Variants in NDC80 observed in about 807,000 individuals in gnomAD.
The protein encoded by NDC80 is NDC80 kinetochore complex component.
In NDC80, 69 loss-of-function variants were observed where a neutral mutation model predicts 89.3. The observed-to-expected ratio is 0.77, with a 90% CI of 0.64 to 0.94. The LOEUF is 0.94. Among genes scored for constraint, NDC80 ranks in the 40% least tolerant of loss-of-function variants. NDC80 has a pLI of 0.00. For missense variants in NDC80, 593 were observed against 739.6 expected (o/e 0.80, Z 2.30); for synonymous variants, 243 against 255.6 (o/e 0.95, Z 0.47).
chr18:2,606,128 G>T (rs2072710272), intron 13 of NDC80, among the ~76,000 whole-genome samples: 1 of 150,850 alleles, frequency 6.6e-6, no homozygotes, highest in South Asian at 2.1e-4. Flanking sequence ...TGAATAAATT[G>T]ATATAACAAT....
intron 15 of NDC80, among the ~76,000 whole-genome samples, chr18:2,610,084 C>G (rs751316040): frequency 6.6e-6 from 1 of 152,168 alleles, no homozygotes; most frequent in Non-Finnish European, 1.5e-5. Context: ...ATTTTAGCCA[C>G]ACTATATAAT....
At chr18:2,583,340 G>A (rs546283454) in intron 6 of NDC80, among the ~76,000 whole-genome samples, 1 of 152,242 alleles carries the variant, frequency 6.6e-6, no homozygotes, top group South Asian at 2.1e-4. Flanking sequence ...TCTTTACCCT[G>A]ATGACAAGAT....
chr18:2,615,006 A>C (rs1244825179), intron 16 of NDC80: 1 of 152,350 alleles, frequency 6.6e-6, no homozygotes, highest in Non-Finnish European at 1.5e-5. Flanking sequence ...AAGGACTGCC[A>C]GGAGCCGCCA....
chr18:2,577,439 A>AAG, intron 3 of NDC80: 2 of 222,450 alleles, frequency 9.0e-6, no homozygotes, highest in South Asian at 1.3e-4. Context: ...CTGGTCTTGA[A>AAG]CTCCTGACCT....
chr18:2,601,577 A>G (rs1463919140), intron 13 of NDC80, 92 bp downstream of exon 13: 1 of 539,736 alleles, frequency 1.9e-6, no homozygotes, highest in Non-Finnish European at 3.0e-6. Flanking sequence ...ATTGCTAAGG[A>G]ATTAATTTTT....
At chr18:2,613,230 T>C (rs916774326) in intron 16 of NDC80, among the ~76,000 whole-genome samples, 4 of 152,260 alleles carry the variant, frequency 2.6e-5, no homozygotes, top group Non-Finnish European at 5.9e-5. Flanking sequence ...TGGCTGGTTT[T>C]GCACTACAGT....
chr18:2,607,828 TA>T (rs2072720323), intron 14 of NDC80, among the ~76,000 whole-genome samples: 1 of 150,930 alleles, frequency 6.6e-6, no homozygotes, highest in Non-Finnish European at 1.5e-5. Flanking sequence ...TACAAACATA[TA>T]TTTTTTTAAT....
chr18:2,597,818 T>C (rs1348471623), intron 11 of NDC80, among the ~76,000 whole-genome samples: 1 of 151,888 alleles, frequency 6.6e-6, no homozygotes, highest in Non-Finnish European at 1.5e-5. Context: ...TGAAACTTGA[T>C]GAAAGAGGGA....
rs1488993918 is a variant in NDC80 at position 2,614,435 on chromosome 18, CAAAAAAAGAAAG to C, written c.1792-1998_1792-1987del. On this transcript the variant is annotated intron_variant, in intron 16 of 16. Transcript: ENST00000261597. ...CTGGCTACAGAGCAAGATGCTGTCTCAAAAAAAGAAAGAAAGAAAGAAAGAAAGAAAGAAAGA... is the reference window on the plus strand; with the variant it reads ...CTGGCTACAGAGCAAGATGCTGTCTCAAAGAAAGAAAGAAAGAAAGAAAGA... The C allele has an allele frequency of 9.2e-5, 3 of 32,484 alleles. 1 individual carries two copies. The highest frequency in any genetic ancestry group is 1.4e-4 in the Non-Finnish European group (3 of 21,938). The allele number at this position is 32,484 out of a possible 1,614,324, so 2.0% of individuals were successfully genotyped here.
chr18:2,596,983 A>C (rs1368308269), intron 11 of NDC80, among the ~76,000 whole-genome samples: 1 of 151,810 alleles, frequency 6.6e-6, no homozygotes, highest in African/African-American at 2.4e-5. Flanking sequence ...CAATGAGAAC[A>C]CATGGACACA....
At chr18:2,595,341 C>T in intron 10 of NDC80, 75 bp from the exon 11 acceptor site, 1 of 895,328 alleles carries the variant, frequency 1.1e-6, no homozygotes, top group Non-Finnish European at 1.7e-6. Context: ...GATATCTTAG[C>T]TCTATTACAT....
At chr18:2,579,305 C>G (rs11080960) in intron 6 of NDC80, 1 of 294,518 alleles carries the variant, frequency 3.4e-6, no homozygotes, top group African/African-American at 2.2e-5. Flanking sequence ...TCATGAAATT[C>G]GTTTTTACCC....
chr18:2,596,585 A>C lies in NDC80; in HGVS notation c.1221+964A>C, dbSNP rs1043809586. ...ACTTTGACACTGTTGGTGGGACTGT[A>C]AACTAGTTCAACCATTGTGGAAGTC... is the stretch of plus-strand genomic sequence containing the variant. On this transcript the variant is annotated intron_variant, in intron 11 of 16. Coordinates refer to ENST00000261597, the MANE Select transcript of NDC80 (RefSeq NM_006101.3). Among the ~76,000 whole-genome samples the C allele has an allele frequency of 1.5e-4, 22 of 149,044 alleles. No homozygotes were observed. The South Asian group carries it at 1.5e-3, about 10-fold the overall frequency.
chr18:2,597,413 A>G (rs1357827915), intron 11 of NDC80, among the ~76,000 whole-genome samples: 1 of 152,138 alleles, frequency 6.6e-6, no homozygotes, highest in Non-Finnish European at 1.5e-5. Context: ...TCTAATAAGA[A>G]ATTACTATCA....
chr18:2,595,772 G>T, intron 11 of NDC80, 151 bp downstream of exon 11: 1 of 570,668 alleles, frequency 1.8e-6, no homozygotes, highest in Non-Finnish European at 3.1e-6. Flanking sequence ...ATCCCTTTAT[G>T]TCAATTCAGT....
At chr18:2,590,425 A>G (rs917184139) in intron 10 of NDC80, among the ~76,000 whole-genome samples, 4 of 152,236 alleles carry the variant, frequency 2.6e-5, no homozygotes, top group African/African-American at 7.2e-5. Context: ...CCAAGGACTC[A>G]GGGAGGATCT....
chr18:2,610,497 A>G (rs1424880217), intron 15 of NDC80, among the ~76,000 whole-genome samples: 1 of 152,230 alleles, frequency 6.6e-6, no homozygotes, highest in East Asian at 1.9e-4. Context: ...TTGGAGACTC[A>G]GTTACAACCC....
chr18:2,602,339 G>A (rs994939553), intron 13 of NDC80, among the ~76,000 whole-genome samples: 2 of 152,062 alleles, frequency 1.3e-5, no homozygotes, highest in African/African-American at 4.8e-5. Context: ...CTTTGTATTA[G>A]AATTTTTACA....
chr18:2,603,378 TAC>T (rs1555618772), intron 13 of NDC80, among the ~76,000 whole-genome samples: 3 of 143,512 alleles, frequency 2.1e-5, no homozygotes, highest in Admixed American at 1.4e-4. Context: ...TATATATATA[TAC>T]ACCTATGTAA....
Sources: allele counts gnomAD v4.1 joint callset (sites outside exome capture counted in the v4.1 genomes callset), GRCh38; gene constraint gnomAD v4.1.1; transcripts MANE v1.5; gene names NCBI Gene and HGNC (gene_info 2026-07-23, HGNC 2026-07-21).